GRB10: variants seen among roughly 807,000 people sequenced by gnomAD.
The protein encoded by GRB10 is growth factor receptor bound protein 10.
GRB10 carries 20 observed loss-of-function variants against 80.9 expected under a neutral mutation model. The observed-to-expected ratio is 0.25, with a 90% CI of 0.17 to 0.36. The LOEUF is 0.36. Ranked by LOEUF, GRB10 falls within the 10% of genes least tolerant of loss-of-function variation. GRB10 has a pLI of 1.00. For synonymous variants in GRB10, 291 were observed against 291.5 expected, an observed-to-expected ratio of 1.00 and a Z score of 0.02; for missense variants, 548 against 747.7, an observed-to-expected ratio of 0.73 and a Z score of 3.12.
At chr7:50,609,309 A>C (rs1050051212) in intron 13 of GRB10, among the ~76,000 whole-genome samples, 1 of 152,168 alleles carries the variant, frequency 6.6e-6, no homozygotes, top group Non-Finnish European at 1.5e-5. Context: ...TCCAAGAAAA[A>C]CTGTGTAATG....
chr7:50,763,448 C>T (rs2075993407), intron 2 of GRB10, among the ~76,000 whole-genome samples: 1 of 152,172 alleles, frequency 6.6e-6, no homozygotes, highest in South Asian at 2.1e-4. Flanking sequence ...TGGGGAGGCC[C>T]GCTGGAGTGG....
chr7:50,694,063 G>C (rs952922577), intron 5 of GRB10, among the ~76,000 whole-genome samples: 1 of 152,182 alleles, frequency 6.6e-6, no homozygotes, highest in Non-Finnish European at 1.5e-5. Context: ...CAGAAACTCT[G>C]CAATCCTGGC....
At chr7:50,645,426 A>T (rs932886869) in intron 7 of GRB10, 3 of 183,464 alleles carry the variant, frequency 1.6e-5, no homozygotes, top group Non-Finnish European at 3.1e-5. Context: ...GCTTTCAGCC[A>T]TCTGGGGAGT....
intron 7 of GRB10, among the ~76,000 whole-genome samples, chr7:50,631,115 G>A (rs1426999304): frequency 6.6e-6 from 1 of 152,146 alleles, no homozygotes; most frequent in African/African-American, 2.4e-5. Flanking sequence ...CCTCCTTGCT[G>A]TCAATCTTAG....
chr7:50,723,914 A>G (rs2068162601), intron 4 of GRB10, among the ~76,000 whole-genome samples: 1 of 152,238 alleles, frequency 6.6e-6, no homozygotes, highest in Non-Finnish European at 1.5e-5. Flanking sequence ...AGGGACCCAC[A>G]GGCACCCTCC....
chr7:50,701,783 C>A (rs2064268687), intron 5 of GRB10, among the ~76,000 whole-genome samples: 1 of 152,156 alleles, frequency 6.6e-6, no homozygotes, highest in Non-Finnish European at 1.5e-5. Context: ...CAGGCATTGC[C>A]CAGGGTGCCC....
intron 7 of GRB10, among the ~76,000 whole-genome samples, chr7:50,632,250 C>T (rs1399648583): frequency 1.3e-5 from 2 of 152,190 alleles, no homozygotes; most frequent in African/African-American, 4.8e-5. Flanking sequence ...AGAGAACACG[C>T]ATAATAATCC....
At chr7:50,772,223 C>T (rs534883154) in intron 2 of GRB10, among the ~76,000 whole-genome samples, 6 of 152,274 alleles carry the variant, frequency 3.9e-5, no homozygotes, top group Non-Finnish European at 2.9e-5. Flanking sequence ...TTGCTGTAAC[C>T]CTCAAGACCA....
At chr7:50,744,259 G>C (rs909020078) in intron 3 of GRB10, among the ~76,000 whole-genome samples, 6 of 152,228 alleles carry the variant, frequency 3.9e-5, no homozygotes, top group Admixed American at 6.5e-5. Flanking sequence ...CAGGCCGGCA[G>C]GCTGGAGTCA....
At chr7:50,644,607 C>T (rs1045210429) in intron 7 of GRB10, among the ~76,000 whole-genome samples, 1 of 152,202 alleles carries the variant, frequency 6.6e-6, no homozygotes, top group African/African-American at 2.4e-5. Context: ...CACCTGAGAC[C>T]ATCAGTAAGC....
rs1271469571 is a variant in GRB10 at position 50,605,790 on chromosome 7, G to A, written c.1273-384C>T. Among the ~76,000 whole-genome samples, 4 of 152,132 alleles carry A rather than the reference G, an allele frequency of 2.6e-5. No homozygotes were observed. The East Asian group carries it at 7.7e-4, about 29-fold the overall frequency. On this transcript the variant is annotated intron_variant, in intron 14 of 18. Transcript: ENST00000401949. ...TCATTCCCTCGGGGACGTGGGTTCA[G>A]GAAAACTCGTGGACCCTTTCTGTGG...
intron 3 of GRB10, among the ~76,000 whole-genome samples, chr7:50,746,054 G>GA (rs2072834249): frequency 6.6e-6 from 1 of 152,216 alleles, no homozygotes; most frequent in Non-Finnish European, 1.5e-5. Flanking sequence ...GTGCCACTGA[G>GA]AGTAGGATGT....
chr7:50,594,370 C>A (rs1254599923), intron 18 of GRB10, among the ~76,000 whole-genome samples: 1 of 152,242 alleles, frequency 6.6e-6, no homozygotes, highest in African/African-American at 2.4e-5. Flanking sequence ...CCCTCCTCAT[C>A]CTGTATGGTC....
intron 2 of GRB10, among the ~76,000 whole-genome samples, chr7:50,766,431 TCTTTTC>T (rs1178811994): frequency 6.6e-6 from 1 of 152,208 alleles, no homozygotes; most frequent in African/African-American, 2.4e-5. Context: ...TTTCTTCCTT[TCTTTTC>T]CTTTTCTTCT....
intron 4 of GRB10, chr7:50,710,867 G>A: frequency 3.7e-6 from 6 of 1,612,518 alleles, no homozygotes; most frequent in Non-Finnish European, 5.1e-6. Context: ...TAGACAGCGG[G>A]CACTGACCTT....
At chr7:50,669,002 T>C (rs902035010) in intron 7 of GRB10, among the ~76,000 whole-genome samples, 2 of 152,242 alleles carry the variant, frequency 1.3e-5, no homozygotes, top group East Asian at 3.8e-4. Flanking sequence ...CGGCAGATCA[T>C]ATTCAAAGTC....
At chr7:50,735,702 T>C (rs922641464) in intron 3 of GRB10, among the ~76,000 whole-genome samples, 1 of 152,172 alleles carries the variant, frequency 6.6e-6, no homozygotes, top group African/African-American at 2.4e-5. Context: ...AAAAACTAAT[T>C]AAAACTAGAC....
chr7:50,742,333 C>T (rs2072026807), intron 3 of GRB10, among the ~76,000 whole-genome samples: 1 of 151,486 alleles, frequency 6.6e-6, no homozygotes, highest in South Asian at 2.1e-4. Context: ...CATCCATTCC[C>T]ACTGATCACA....
chr7:50,631,968 G>C (rs576257795), intron 7 of GRB10, among the ~76,000 whole-genome samples: 1 of 152,294 alleles, frequency 6.6e-6, no homozygotes, highest in African/African-American at 2.4e-5. Flanking sequence ...GCGTGTACCA[G>C]GTGGGCTCCA....
Sources: gnomAD v4.1 joint callset for allele counts (sites outside exome capture counted in the v4.1 genomes callset) on GRCh38, gnomAD v4.1.1 for gene constraint, MANE v1.5 for transcripts, NCBI Gene and HGNC (gene_info 2026-07-23, HGNC 2026-07-21) for gene names.